Variants in RIMS2 observed in about 807,000 individuals in gnomAD.
RIMS2 encodes the protein regulating synaptic membrane exocytosis 2.
Under a neutral mutation model 174.4 loss-of-function variants are expected in RIMS2, and 59 were observed. The ratio of observed to expected loss-of-function variants is 0.34; its 90% confidence interval spans 0.27 to 0.42. RIMS2 has a LOEUF of 0.42. Among genes scored for constraint, RIMS2 ranks in the 10% least tolerant of loss-of-function variants. The probability of loss-of-function intolerance (pLI) is 1.00; values close to 1 mark genes in which losing one functional copy is unlikely to be tolerated. For synonymous variants in RIMS2, 606 were observed against 572.5 expected, an observed-to-expected ratio of 1.06 and a Z score of -0.84; for missense variants, 1,620 against 1,666.3, an observed-to-expected ratio of 0.97 and a Z score of 0.48.
intron 1 of RIMS2, among the ~76,000 whole-genome samples, chr8:103,528,382 G>T (rs1439526874): frequency 6.6e-6 from 1 of 152,078 alleles, no homozygotes; most frequent in African/African-American, 2.4e-5. Context: ...CTGTGCAGAA[G>T]CTCTTTAGTT....
At chr8:103,707,045 T>A (rs1248547126) in intron 2 of RIMS2, among the ~76,000 whole-genome samples, 2 of 152,196 alleles carry the variant, frequency 1.3e-5, no homozygotes, top group African/African-American at 4.8e-5. Context: ...ATTCTTCTCC[T>A]TCATCAATTC....
At chr8:103,965,479 A>G (rs1441239636) in intron 15 of RIMS2, among the ~76,000 whole-genome samples, 1 of 152,142 alleles carries the variant, frequency 6.6e-6, no homozygotes, top group Non-Finnish European at 1.5e-5. Flanking sequence ...ACTTTGGAAT[A>G]TTAACCTTAT....
intron 1 of RIMS2, among the ~76,000 whole-genome samples, chr8:103,525,202 T>G (rs1323545312): frequency 2.0e-5 from 3 of 152,226 alleles, no homozygotes; most frequent in Non-Finnish European, 4.4e-5. Flanking sequence ...GTCAAATGAT[T>G]AAGTTACAGG....
At chr8:103,899,846 G>T (rs991638107) in intron 4 of RIMS2, among the ~76,000 whole-genome samples, 15 of 151,794 alleles carry the variant, frequency 9.9e-5, no homozygotes, top group African/African-American at 3.6e-4. Flanking sequence ...GGTTTTTATG[G>T]TTTTAGGTCT....
intron 19 of RIMS2, among the ~76,000 whole-genome samples, chr8:104,045,031 A>G (rs1276435816): frequency 3.3e-5 from 5 of 151,858 alleles, no homozygotes; most frequent in Non-Finnish European, 5.9e-5. Flanking sequence ...CTTTTCAAAA[A>G]CTGACTGTAG....
chr8:104,163,519 T>C (rs1350956065), intron 19 of RIMS2, among the ~76,000 whole-genome samples: 1 of 152,212 alleles, frequency 6.6e-6, no homozygotes, highest in Non-Finnish European at 1.5e-5. Context: ...TGGCTCATCT[T>C]TCTGTCCACA....
chr8:104,216,310 C>A (rs987107425), intron 19 of RIMS2, among the ~76,000 whole-genome samples: 2 of 152,136 alleles, frequency 1.3e-5, no homozygotes, highest in Non-Finnish European at 2.9e-5. Flanking sequence ...TCACTTGAGG[C>A]CAGGAAATCG....
At chr8:103,696,395 G>A (rs947801518) in intron 1 of RIMS2, among the ~76,000 whole-genome samples, 10 of 152,002 alleles carry the variant, frequency 6.6e-5, no homozygotes, top group Non-Finnish European at 1.2e-4. Context: ...TGGCTTCACT[G>A]TGTAAGTCAA....
At chr8:103,525,040 A>G (rs1309689937) in intron 1 of RIMS2, among the ~76,000 whole-genome samples, 2 of 152,198 alleles carry the variant, frequency 1.3e-5, no homozygotes, top group Non-Finnish European at 2.9e-5. Context: ...TTTAGAGAGG[A>G]TAGTCTGAAA....
chr8:103,738,002 G>A (rs2097708919), intron 2 of RIMS2, among the ~76,000 whole-genome samples: 1 of 152,104 alleles, frequency 6.6e-6, no homozygotes, highest in African/African-American at 2.4e-5. Flanking sequence ...TAGACGATAA[G>A]TTCCATGAGA....
At chr8:104,209,935 T>G (rs1029275157) in intron 19 of RIMS2, among the ~76,000 whole-genome samples, 1 of 152,106 alleles carries the variant, frequency 6.6e-6, no homozygotes, top group South Asian at 2.1e-4. Flanking sequence ...AAGGGATATA[T>G]AAGAAACCAT....
At chr8:104,178,232 A>G (rs2098917054) in intron 19 of RIMS2, among the ~76,000 whole-genome samples, 1 of 152,088 alleles carries the variant, frequency 6.6e-6, no homozygotes, top group Non-Finnish European at 1.5e-5. Flanking sequence ...GTCCTCTTCA[A>G]ACTTGTTTAG....
At chr8:104,229,232 T>G (rs2099209306) in intron 19 of RIMS2, among the ~76,000 whole-genome samples, 1 of 152,192 alleles carries the variant, frequency 6.6e-6, no homozygotes, top group African/African-American at 2.4e-5. Flanking sequence ...AGGACTGTGT[T>G]TTAATGTAAA....
intron 1 of RIMS2, among the ~76,000 whole-genome samples, chr8:103,665,059 A>C (rs1201084933): frequency 6.6e-6 from 1 of 152,238 alleles, no homozygotes; most frequent in Non-Finnish European, 1.5e-5. Context: ...TTTCACTCAT[A>C]GGTGGGAGTT....
At chr8:103,733,827 C>G (rs1011850102) in intron 2 of RIMS2, among the ~76,000 whole-genome samples, 2 of 151,970 alleles carry the variant, frequency 1.3e-5, no homozygotes, top group African/African-American at 4.8e-5. Flanking sequence ...TTAAGATGGT[C>G]TTTTCTATCT....
At chr8:104,230,975 T>C (rs1391988321) in intron 19 of RIMS2, among the ~76,000 whole-genome samples, 1 of 152,202 alleles carries the variant, frequency 6.6e-6, no homozygotes. Context: ...GAATAAAAAC[T>C]TTCAAACATT....
At chr8:104,126,639 G>A (rs766720947) in intron 19 of RIMS2, among the ~76,000 whole-genome samples, 2 of 152,182 alleles carry the variant, frequency 1.3e-5, no homozygotes, top group African/African-American at 2.4e-5. Context: ...AATGTGGAAT[G>A]AGATTTTTAA....
chr8:103,765,282 G>A (rs1279631383), intron 2 of RIMS2, among the ~76,000 whole-genome samples: 1 of 152,134 alleles, frequency 6.6e-6, no homozygotes, highest in Admixed American at 6.5e-5. Flanking sequence ...TCTGGCCACA[G>A]AGATATTAAT....
intron 1 of RIMS2, among the ~76,000 whole-genome samples, chr8:103,641,805 C>T (rs2096237728): frequency 6.6e-6 from 1 of 152,072 alleles, no homozygotes; most frequent in African/African-American, 2.4e-5. Context: ...GCATGGCACC[C>T]CTTCATCTTC....
Sources: allele counts gnomAD v4.1 joint callset (sites outside exome capture counted in the v4.1 genomes callset), GRCh38; gene constraint gnomAD v4.1.1; transcripts MANE v1.5; gene names NCBI Gene and HGNC (gene_info 2026-07-23, HGNC 2026-07-21).